Variants in DPP6 observed in about 807,000 individuals in gnomAD.
DPP6 encodes the protein dipeptidyl peptidase like 6, also known as A-type potassium channel modulatory protein DPP6.
Under a neutral mutation model 122.6 loss-of-function variants are expected in DPP6, and 69 were observed. That is an observed-to-expected ratio of 0.56 (90% CI 0.46 to 0.69). DPP6 has a LOEUF of 0.69. DPP6 is among the 30% of genes least tolerant of loss of function. DPP6 has a pLI of 0.00. For synonymous variants in DPP6, 418 were observed against 433.1 expected (o/e 0.97, Z 0.43); for missense variants, 928 against 1,116.9 (o/e 0.83, Z 2.41).
chr7:154,719,539 G>A (rs1405641070), intron 7 of DPP6, among the ~76,000 whole-genome samples: 1 of 152,188 alleles, frequency 6.6e-6, no homozygotes, highest in African/African-American at 2.4e-5. Context: ...AATGATTCAT[G>A]TGACTCACTC....
chr7:154,004,548 T>C (rs1012658388), intron 1 of DPP6, among the ~76,000 whole-genome samples: 6 of 151,406 alleles, frequency 4.0e-5, no homozygotes, highest in African/African-American at 1.5e-4. Flanking sequence ...AAAATAAAAA[T>C]GTGTAAGTGA....
At chr7:154,865,132 G>C (rs941638266) in intron 17 of DPP6, among the ~76,000 whole-genome samples, 13 of 152,286 alleles carry the variant, frequency 8.5e-5, no homozygotes, top group Admixed American at 5.9e-4. Flanking sequence ...GCCACTAGCA[G>C]ACCCCCCCAG....
chr7:154,196,489 CA>C (rs1440566339), intron 1 of DPP6, among the ~76,000 whole-genome samples: 5 of 151,948 alleles, frequency 3.3e-5, no homozygotes, highest in Non-Finnish European at 5.9e-5. Context: ...GACTCTGTCT[CA>C]AAAAACAAAA....
At position 154,804,981 on chromosome 7, in the gene DPP6, C is replaced by T. The variant is rs1563230470; in HGVS notation, c.1547+17C>T. On this transcript the variant is annotated intron_variant, in intron 15 of 25. Coordinates refer to ENST00000377770, the MANE Select transcript of DPP6 (RefSeq NM_130797.4). ...ACTCTACAGGTAACTCCTGCTCCCC[C>T]TGCACACAGGGCTCTCCCCCTTAGG... 6.3e-7 allele frequency: 1 copy of T among 1,590,432 alleles called. No homozygotes were observed. Among genetic ancestry groups the T allele is most frequent in the East Asian group, 2.3e-5 (1 of 43,832 alleles).
intron 3 of DPP6, among the ~76,000 whole-genome samples, chr7:154,489,736 A>G (rs1721036899): frequency 6.6e-6 from 1 of 152,032 alleles, no homozygotes; most frequent in African/African-American, 2.4e-5. Context: ...TCCCTCCAGA[A>G]AAAAAAACAG....
intron 16 of DPP6, among the ~76,000 whole-genome samples, chr7:154,826,048 C>A (rs78944369): frequency 0.015 from 2,219 of 152,262 alleles, 53 homozygotes; most frequent in African/African-American, 0.051. Context: ...AATTACTTCA[C>A]CCTACGTTTC....
chr7:154,312,659 G>A (rs964849525), intron 1 of DPP6, among the ~76,000 whole-genome samples: 4 of 152,174 alleles, frequency 2.6e-5, no homozygotes, highest in African/African-American at 9.7e-5. Context: ...CAAATCTGCT[G>A]ATTAAAATGG....
rs1449863720 is a variant in DPP6 at position 154,200,389 on chromosome 7, A to C, written c.243+147326A>C. ...GCTATTTTGAAATGCACAGTAGATG[A>C]GTGTATGCTGCAGCCACCCTGCTGA... On this transcript the variant is annotated intron_variant, in intron 1 of 25. Transcript: ENST00000377770. Among the ~76,000 whole-genome samples the C allele has an allele frequency of 4.6e-5, 7 of 152,070 alleles. No homozygotes were observed. In the East Asian group the frequency reaches 1.3e-3, roughly 29 times the overall value.
intron 1 of DPP6, among the ~76,000 whole-genome samples, chr7:153,946,405 CATTTGTAA>C (rs1455660178): frequency 6.6e-6 from 1 of 152,134 alleles, no homozygotes; most frequent in Non-Finnish European, 1.5e-5. Context: ...GTTGGCGTGG[CATTTGTAA>C]ACTGTCATGG....
intron 1 of DPP6, among the ~76,000 whole-genome samples, chr7:154,185,362 A>C (rs1266708355): frequency 6.6e-5 from 10 of 152,148 alleles, no homozygotes; most frequent in Admixed American, 2.0e-4. Context: ...CAACAAGTAA[A>C]GAATTCTTTC....
rs571686857 is a variant in DPP6 at position 154,167,552 on chromosome 7, CTT to C, written c.243+114491_243+114492del. On this transcript the variant is annotated intron_variant, in intron 1 of 25. Transcript: ENST00000377770. The stretch of plus-strand genomic sequence containing the variant: ...ATCTTGAGATTTGAGGCGCTAAACT[CTT>C]TGCGTACGCATTTTACAGCTCTCTT... Among the ~76,000 whole-genome samples the C allele has an allele frequency of 1.2e-3, 183 of 152,362 alleles. 1 individual carries two copies. In the South Asian group the frequency reaches 0.019, roughly 16 times the overall value.
At chr7:153,952,485 TTTA>T (rs1162274478) in intron 1 of DPP6, among the ~76,000 whole-genome samples, 1 of 152,166 alleles carries the variant, frequency 6.6e-6, no homozygotes, top group Non-Finnish European at 1.5e-5. Context: ...AAGAAAGTGT[TTTA>T]TTATTTTTTT....
At chr7:154,439,122 G>A (rs1428024684) in intron 1 of DPP6, among the ~76,000 whole-genome samples, 1 of 152,198 alleles carries the variant, frequency 6.6e-6, no homozygotes, top group East Asian at 1.9e-4. Context: ...AGGCTAGTTT[G>A]TTAGTTACTT....
At chr7:153,867,775 T>C in the DPP6 span, among the ~76,000 whole-genome samples, 5 of 148,262 alleles carry the variant, frequency 3.4e-5, no homozygotes, top group Non-Finnish European at 7.5e-5. Context: ...CAGTATGATA[T>C]TGGCTGTGGG....
In DPP6 at chr7:154,403,159, C is replaced by A. The variant is rs1815783764; in HGVS notation, c.244-43055C>A. ...CTGTCTCTTTTCTTTGTGGTTCTAA[C>A]GTGTCACCCACGTTAGTTCCCTGGA... On this transcript the variant is annotated intron_variant, in intron 1 of 25. Coordinates refer to ENST00000377770, the MANE Select transcript of DPP6 (RefSeq NM_130797.4). The surrounding 1 kb of genome is among the most constrained non-coding windows in gnomAD (Gnocchi z 4.1). Among the ~76,000 whole-genome samples the A allele has an allele frequency of 6.6e-6, 1 of 152,202 alleles. No homozygotes were observed. The highest frequency in any genetic ancestry group is 1.5e-5 in the Non-Finnish European group (1 of 68,046).
intron 3 of DPP6, among the ~76,000 whole-genome samples, chr7:154,539,806 A>G (rs539808194): frequency 1.9e-4 from 28 of 145,164 alleles, no homozygotes; most frequent in Non-Finnish European, 3.2e-4. Context: ...TTATTGGTGT[A>G]TTTATTTTGC....
intron 1 of DPP6, among the ~76,000 whole-genome samples, chr7:154,016,403 T>A (rs111551939): frequency 0.011 from 1,578 of 144,750 alleles, 34 homozygotes; most frequent in African/African-American, 0.042. Context: ...AGGTTTATTT[T>A]TTTTTTTTTT....
chr7:154,549,602 AAAC>A (rs1184292732), intron 4 of DPP6, among the ~76,000 whole-genome samples: 1 of 152,206 alleles, frequency 6.6e-6, no homozygotes, highest in African/African-American at 2.4e-5. Flanking sequence ...TTGATTAAAA[AAAC>A]AACAACAACT....
At chr7:154,793,825 C>T in intron 10 of DPP6, 1 of 435,828 alleles carries the variant, frequency 2.3e-6, no homozygotes, top group South Asian at 3.7e-5. Flanking sequence ...CCAGGGCAGC[C>T]ACACGCAGTG....
Sources: allele counts gnomAD v4.1 joint callset (sites outside exome capture counted in the v4.1 genomes callset), GRCh38; gene constraint gnomAD v4.1.1; non-coding constraint Gnocchi (gnomAD v3.1); transcripts MANE v1.5; gene names NCBI Gene and HGNC (gene_info 2026-07-23, HGNC 2026-07-21).